The following FNDC1 variants were observed in gnomAD, a reference collection of about 807,000 sequenced individuals.
The protein encoded by FNDC1 is fibronectin type III domain-containing protein 1.
Under a neutral mutation model 168.0 loss-of-function variants are expected in FNDC1, and 96 were observed. The observed-to-expected ratio is 0.57, with a 90% confidence interval of 0.48 to 0.68. FNDC1 has a LOEUF of 0.68. Ranked by LOEUF, FNDC1 falls within the 30% of genes least tolerant of loss-of-function variation. The pLI, the probability that FNDC1 is intolerant of heterozygous loss-of-function variation, is 0.00. For missense variants in FNDC1, 2,587 were observed against 2,482.1 expected (o/e 1.04, Z -0.90); for synonymous variants, 1,099 against 1,025.9 (o/e 1.07, Z -1.36).
At position 159,232,868 on chromosome 6, in the gene FNDC1, G is replaced by C; in HGVS notation, c.2356G>C (p.Gly786Arg). 1 of 1,613,648 alleles carries C rather than the reference G, an allele frequency of 6.2e-7. No individual in the cohort carries two copies. The highest frequency in any genetic ancestry group is 8.5e-7 in the Non-Finnish European group (1 of 1,179,886). Residue 786 changes from glycine (G) to arginine (R), a missense_variant, in exon 11 of 23, where the codon GGT (glycine) becomes CGT (arginine). Gly to Arg is a moderately radical substitution (Grantham distance 125). Coordinates refer to ENST00000297267, the MANE Select transcript of FNDC1 (RefSeq NM_032532.3). The surrounding 1 kb of genome is among the most constrained non-coding windows in gnomAD (Gnocchi z 4.9). ...QVSEGAEASD[G>R]ESHGDGDRED... ...CTCTGAGGGAGCGGAGGCTTCTGAT[G>C]GTGAAAGCCACGGTGACGGCGATAG... is the stretch of plus-strand genomic sequence containing the variant.
chr6:159,219,384 C>T (rs1255954475), intron 5 of FNDC1, among the ~76,000 whole-genome samples: 2 of 152,284 alleles, frequency 1.3e-5, no homozygotes, highest in East Asian at 1.9e-4. Flanking sequence ...AGAAAGAGGT[C>T]ATCTTGACAC....
chr6:159,215,598 A>C (rs1782693957), intron 5 of FNDC1, among the ~76,000 whole-genome samples: 1 of 152,224 alleles, frequency 6.6e-6, no homozygotes, highest in African/African-American at 2.4e-5. Context: ...GGACAGAACT[A>C]ATGGAATACA....
rs181283709 is a variant in FNDC1, at chr6:159,191,085, G to A, written c.110-6346G>A. Among the ~76,000 whole-genome samples the A allele has an allele frequency of 1.1e-3, 173 of 152,298 alleles. 1 individual carries two copies. The highest frequency in any genetic ancestry group is 3.4e-3 in the Middle Eastern group (1 of 294). Reference sequence around the variant, plus strand: ...GTCTACGATGGTGGAGCAAGAGAGCGAAAGGGGAGGTGCCACATATTTTCA... The same window carrying A: ...GTCTACGATGGTGGAGCAAGAGAGCAAAAGGGGAGGTGCCACATATTTTCA... On this transcript the variant is annotated intron_variant, in intron 1 of 22. Coordinates refer to ENST00000297267, the MANE Select transcript of FNDC1 (RefSeq NM_032532.3).
At chr6:159,171,124 T>C (rs1781648263) in intron 1 of FNDC1, among the ~76,000 whole-genome samples, 2 of 92,608 alleles carry the variant, frequency 2.2e-5, no homozygotes. Context: ...TGAGAGCTCC[T>C]GGAATCCCAC....
intron 2 of FNDC1, among the ~76,000 whole-genome samples, chr6:159,198,860 C>A (rs1178792082): frequency 6.6e-6 from 1 of 152,140 alleles, no homozygotes; most frequent in East Asian, 1.9e-4. Flanking sequence ...TTCTGTCTGA[C>A]CCCCGGGCAT....
rs2114991781 is a variant in FNDC1 at position 159,233,331 on chromosome 6, G to A, written c.2819G>A (p.Gly940Asp). The change falls in exon 11 of 23, where the codon GGC (glycine) becomes GAC (aspartate). Residue 940 changes from glycine to aspartate, a missense_variant. By Grantham distance (94) the Gly-to-Asp change is moderately conservative. Coordinates refer to ENST00000297267, the MANE Select transcript of FNDC1 (RefSeq NM_032532.3). This position sits in a 1 kb window ranked among gnomAD's most constrained non-coding sequence, Gnocchi z 4.6. ...KSTGADTHPQ[G>D]KYSSLASKAQ... The stretch of plus-strand genomic sequence containing the variant: ...ACAGGGGCAGATACACATCCTCAGG[G>A]CAAGTACTCCTCCCTGGCCTCCAAG... 1.2e-5 allele frequency: 19 copies of A among 1,613,914 alleles called. No individual in the cohort carries two copies. Among genetic ancestry groups the A allele is most frequent in the Non-Finnish European group, 1.6e-5 (19 of 1,179,864 alleles).
intron 1 of FNDC1, among the ~76,000 whole-genome samples, chr6:159,179,729 T>C (rs1781841703): frequency 6.6e-6 from 1 of 152,218 alleles, no homozygotes; most frequent in African/African-American, 2.4e-5. Flanking sequence ...ATTGTGTTGG[T>C]TTTATTCCCT....
At position 159,233,260 on chromosome 6, in the gene FNDC1, G is replaced by C. The variant is rs771784443; in HGVS notation, c.2748G>C (p.Gly916=). ...WEDLRRSPQR[G]ASLHRKEPIP... is the part of the protein sequence containing the mutation. Reference sequence around the variant, plus strand: ...ACTTAAGGAGAAGCCCGCAGAGAGGGGCCAGCCTGCATCGGAAGGAACCCA... The same window carrying C: ...ACTTAAGGAGAAGCCCGCAGAGAGGCGCCAGCCTGCATCGGAAGGAACCCA... Residue 916 remains glycine, a synonymous_variant, in exon 11 of 23, where the codon GGG becomes GGC. Coordinates refer to ENST00000297267, the MANE Select transcript of FNDC1 (RefSeq NM_032532.3). This position sits in a 1 kb window ranked among gnomAD's most constrained non-coding sequence, Gnocchi z 4.6. 1 of 1,613,924 alleles carries C rather than the reference G, an allele frequency of 6.2e-7. No homozygotes were observed. The highest frequency in any genetic ancestry group is 1.1e-5 in the South Asian group (1 of 91,080).
At chr6:159,238,063 A>G (rs1783304742) in intron 12 of FNDC1, among the ~76,000 whole-genome samples, 1 of 151,752 alleles carries the variant, frequency 6.6e-6, no homozygotes, top group African/African-American at 2.4e-5. Flanking sequence ...TTATATGGGT[A>G]AGCAATTATA....
rs557367222 is a variant in FNDC1, at chr6:159,267,259, C to T, written c.5447-545C>T. Among the ~76,000 whole-genome samples the T allele has an allele frequency of 2.6e-5, 4 of 152,166 alleles. No homozygotes were observed. In the South Asian group the frequency reaches 8.3e-4, roughly 32 times the overall value. On this transcript the variant is annotated intron_variant, in intron 21 of 22. Transcript: ENST00000297267. Reference sequence around the variant, plus strand: ...TCTTTTCTTTCTCTTCCATCACTGTCCTTTTCCTCCCCTGCTTCAGAATTC... The same window carrying T: ...TCTTTTCTTTCTCTTCCATCACTGTTCTTTTCCTCCCCTGCTTCAGAATTC...
At chr6:159,226,667 T>G (rs1583886996) in intron 9 of FNDC1, 87 bp downstream of exon 9, 1 of 1,023,082 alleles carries the variant, frequency 9.8e-7, no homozygotes, top group Non-Finnish European at 1.4e-6. Flanking sequence ...GAAAAAGAAA[T>G]AGGGAAGCAA....
chr6:159,217,803 C>A (rs1782737494), intron 5 of FNDC1, among the ~76,000 whole-genome samples: 1 of 152,168 alleles, frequency 6.6e-6, no homozygotes, highest in Non-Finnish European at 1.5e-5. Flanking sequence ...GTTGCAGCGG[C>A]ATGTGAAATG....
intron 13 of FNDC1, among the ~76,000 whole-genome samples, chr6:159,239,233 G>A (rs547433671): frequency 7.9e-5 from 12 of 152,178 alleles, no homozygotes; most frequent in Admixed American, 2.0e-4. Context: ...TAACATATTC[G>A]CTTCCTGGCC....
chr6:159,231,766 C>A (rs957633334), intron 10 of FNDC1, 116 bp from the exon 11 acceptor site: 45 of 753,102 alleles, frequency 6.0e-5, no homozygotes, highest in Non-Finnish European at 9.1e-5. Context: ...TAGAAGTTAG[C>A]CATTATGACT....
chr6:159,210,890 G>T (rs1782589498), intron 4 of FNDC1, among the ~76,000 whole-genome samples: 1 of 152,016 alleles, frequency 6.6e-6, no homozygotes, highest in Non-Finnish European at 1.5e-5. Context: ...TTCCTCTCAG[G>T]CTTCTCACCT....
intron 4 of FNDC1, among the ~76,000 whole-genome samples, chr6:159,204,561 G>A (rs564484638): frequency 6.6e-6 from 1 of 152,188 alleles, no homozygotes; most frequent in African/African-American, 2.4e-5. Flanking sequence ...CTTTATCCAG[G>A]TCCCATCATT....
chr6:159,169,729 G>T lies in FNDC1; in HGVS notation c.109+24G>T. The T allele has an allele frequency of 9.9e-7, 1 of 1,006,634 alleles. No homozygotes were observed. Among genetic ancestry groups the T allele is most frequent in the South Asian group, 4.9e-5 (1 of 20,474 alleles). 62.4% of individuals were successfully genotyped at this position (1,006,634 alleles called of 1,614,324 possible). A position where few individuals can be genotyped will look rare whatever the true frequency, so the allele number is the denominator to read the frequency against. On this transcript the variant is annotated intron_variant, in intron 1 of 22. Coordinates refer to ENST00000297267, the MANE Select transcript of FNDC1 (RefSeq NM_032532.3). This position sits in a 1 kb window ranked among gnomAD's most constrained non-coding sequence, Gnocchi z 6.8. ...AGGTACGCGCCGCGCCCGGGCCCCC[G>T]GCGCTCCTCAGCTCCCCGCGCACCC...
Position 159,232,864 on chromosome 6 carries a change from T to C in FNDC1, c.2352T>C (p.Ser784=), listed in dbSNP as rs770133707. ...AGGTCTCTGAGGGAGCGGAGGCTTC[T>C]GATGGTGAAAGCCACGGTGACGGCG... ...RTQVSEGAEA[S]DGESHGDGDR... Residue 784 remains serine (S), a synonymous_variant, in exon 11 of 23, where the codon TCT becomes TCC. Coordinates refer to ENST00000297267, the MANE Select transcript of FNDC1 (RefSeq NM_032532.3). This position sits in a 1 kb window ranked among gnomAD's most constrained non-coding sequence, Gnocchi z 4.9. 1 of 1,613,586 alleles carries C rather than the reference T, an allele frequency of 6.2e-7. No homozygotes were observed. Among genetic ancestry groups the C allele is most frequent in the African/African-American group, 1.3e-5 (1 of 74,936 alleles).
chr6:159,268,821 CATCTATCTATCT>C (rs59375644), intron 22 of FNDC1, among the ~76,000 whole-genome samples: 2,152 of 146,030 alleles, frequency 0.015, 14 homozygotes, highest in Middle Eastern at 0.018. Context: ...TCTATCTATT[CATCTATCTATCT>C]ATCTATCTAT....
Sources: gnomAD v4.1 joint callset for allele counts (sites outside exome capture counted in the v4.1 genomes callset) on GRCh38, gnomAD v4.1.1 for gene constraint, Gnocchi (gnomAD v3.1) non-coding constraint, MANE v1.5 for transcripts, NCBI Gene and HGNC (gene_info 2026-07-23, HGNC 2026-07-21) for gene names.